Variants in MB21D2 observed in about 807,000 individuals in gnomAD.
The protein encoded by MB21D2 is Mab-21 domain containing 2.
A neutral mutation model predicts 33.3 loss-of-function variants in MB21D2; 9 were observed. The observed-to-expected ratio is 0.27, with a 90% CI of 0.16 to 0.47. MB21D2 has a LOEUF of 0.47. MB21D2 is among the 20% of genes least tolerant of loss of function. The pLI is 0.99. For synonymous variants in MB21D2, 241 were observed against 236.3 expected (o/e 1.02, Z -0.18); for missense variants, 540 against 624.6 (o/e 0.86, Z 1.44).
At chr3:192,839,968 C>T (rs988707084) in intron 1 of MB21D2, among the ~76,000 whole-genome samples, 1 of 150,914 alleles carries the variant, frequency 6.6e-6, no homozygotes, top group African/African-American at 2.5e-5. Context: ...AACCACCCCA[C>T]AGCCACTGCA....
At chr3:192,829,737 T>C (rs1712271548) in intron 1 of MB21D2, among the ~76,000 whole-genome samples, 1 of 152,194 alleles carries the variant, frequency 6.6e-6, no homozygotes, top group African/African-American at 2.4e-5. Context: ...GGTGTATCTA[T>C]AAATATTGAG....
intron 1 of MB21D2, among the ~76,000 whole-genome samples, chr3:192,853,402 T>C (rs757642769): frequency 3.3e-5 from 5 of 152,234 alleles, no homozygotes; most frequent in Admixed American, 6.5e-5. Context: ...ACTGGACACC[T>C]ATGCAGTTTC....
At position 192,909,856 on chromosome 3, in the gene MB21D2, C is replaced by T. The variant is rs1458760126; in HGVS notation, c.211+7774G>A. Among the ~76,000 whole-genome samples, 3 of 146,006 alleles carry T rather than the reference C, an allele frequency of 2.1e-5. No individual in the cohort carries two copies. In the East Asian group the frequency reaches 6.3e-4, roughly 30 times the overall value. On this transcript the variant is annotated intron_variant, in intron 1 of 1. Transcript: ENST00000392452. ...CTGAGGCAGGAGAATCACTGGAACC[C>T]GGGAAGCGGAGGTTGCAGTGAGCCA...
chr3:192,806,520 C>A lies in MB21D2; in HGVS notation c.212-6870G>T, dbSNP rs142961333. 4.7e-3 allele frequency among the ~76,000 whole-genome samples: 719 copies of A among 152,306 alleles called. 4 individuals carry two copies. The highest frequency in any genetic ancestry group is 0.016 in the African/African-American group (659 of 41,566). ...GTGAAGCATCTGGCACAGTAACTCA[C>A]GAAAAGGCGTCACAAATGAAAGATC... On this transcript the variant is annotated intron_variant, in intron 1 of 1. Transcript: ENST00000392452.
chr3:192,824,616 T>C (rs1179799287), intron 1 of MB21D2, among the ~76,000 whole-genome samples: 2 of 152,182 alleles, frequency 1.3e-5, no homozygotes, highest in Non-Finnish European at 2.9e-5. Context: ...TTCGTTAAAA[T>C]AGCTGTTTAT....
chr3:192,823,840 TA>T (rs970610818), intron 1 of MB21D2, among the ~76,000 whole-genome samples: 24 of 150,348 alleles, frequency 1.6e-4, no homozygotes, highest in East Asian at 5.9e-4. Context: ...ATTAACAGAG[TA>T]AAAAAAAAAT....
chr3:192,871,685 T>A (rs1713300082), intron 1 of MB21D2, among the ~76,000 whole-genome samples: 4 of 152,010 alleles, frequency 2.6e-5, no homozygotes. Flanking sequence ...GCCAAGAGAA[T>A]GAAGAGGGTG....
intron 1 of MB21D2, among the ~76,000 whole-genome samples, chr3:192,856,367 C>G (rs1264307616): frequency 6.6e-6 from 1 of 152,126 alleles, no homozygotes; most frequent in African/African-American, 2.4e-5. Context: ...TCAGTTTTCC[C>G]ATGAGTTAAA....
At chr3:192,913,656 T>C (rs1441677821) in intron 1 of MB21D2, among the ~76,000 whole-genome samples, 12 of 152,062 alleles carry the variant, frequency 7.9e-5, no homozygotes, top group Non-Finnish European at 1.8e-4. Context: ...AGACTCCATC[T>C]ACACAAAAAT....
chr3:192,827,046 C>T (rs1712187905), intron 1 of MB21D2, among the ~76,000 whole-genome samples: 1 of 152,074 alleles, frequency 6.6e-6, no homozygotes, highest in South Asian at 2.1e-4. Flanking sequence ...AGGTGCCCAC[C>T]ACCACGTCCG....
At chr3:192,803,556 C>A (rs751873743) in intron 1 of MB21D2, among the ~76,000 whole-genome samples, 3 of 152,136 alleles carry the variant, frequency 2.0e-5, no homozygotes, top group Admixed American at 2.0e-4. Context: ...TAACAGAACT[C>A]GAGCCTTCCC....
chr3:192,866,046 T>TAAAA (rs149849710), intron 1 of MB21D2, among the ~76,000 whole-genome samples: 1 of 148,898 alleles, frequency 6.7e-6, no homozygotes, highest in African/African-American at 2.5e-5. Context: ...AGATCCTGTC[T>TAAAA]AAAAAAATAA....
intron 1 of MB21D2, among the ~76,000 whole-genome samples, chr3:192,861,855 T>C (rs1339858520): frequency 1.3e-5 from 2 of 152,082 alleles, no homozygotes; most frequent in Non-Finnish European, 2.9e-5. Flanking sequence ...TCATGAACCA[T>C]GTCTCTACTC....
At chr3:192,883,577 T>C (rs1354136439) in intron 1 of MB21D2, among the ~76,000 whole-genome samples, 2 of 152,098 alleles carry the variant, frequency 1.3e-5, no homozygotes, top group African/African-American at 2.4e-5. Flanking sequence ...TTGACAATTA[T>C]CTGAAAGAAT....
At chr3:192,828,688 G>A (rs1310524611) in intron 1 of MB21D2, among the ~76,000 whole-genome samples, 8 of 118,040 alleles carry the variant, frequency 6.8e-5, no homozygotes, top group South Asian at 2.8e-4. Context: ...TCGCTCTGTC[G>A]CCCAGGCTAG....
chr3:192,881,692 G>A (rs1214307861), intron 1 of MB21D2, among the ~76,000 whole-genome samples: 1 of 152,104 alleles, frequency 6.6e-6, no homozygotes, highest in African/African-American at 2.4e-5. Context: ...GGTACCTGTG[G>A]AGGCCAAGAA....
chr3:192,905,687 C>T (rs1035733044), intron 1 of MB21D2, among the ~76,000 whole-genome samples: 12 of 137,644 alleles, frequency 8.7e-5, no homozygotes, highest in Non-Finnish European at 1.7e-4. Flanking sequence ...AAAAATTAGC[C>T]AGGCATGGAG....
chr3:192,838,160 C>T (rs562598831), intron 1 of MB21D2, among the ~76,000 whole-genome samples: 25 of 152,290 alleles, frequency 1.6e-4, no homozygotes, highest in African/African-American at 5.8e-4. Flanking sequence ...CAGTTCTTCA[C>T]TGACTGCTGG....
chr3:192,890,225 A>C lies in MB21D2; in HGVS notation c.211+27405T>G, dbSNP rs191319232. Among the ~76,000 whole-genome samples, 11 of 152,248 alleles carry C rather than the reference A, an allele frequency of 7.2e-5. 1 individual carries two copies. Among genetic ancestry groups the C allele is most frequent in the Admixed American group, 6.5e-4 (10 of 15,296 alleles). On this transcript the variant is annotated intron_variant, in intron 1 of 1. Transcript: ENST00000392452. Reference sequence around the variant, plus strand: ...CCATTTTTAGTATATAAAACTAGCTAATGGTAATATGCAAACAGAAATTCT... The same window carrying C: ...CCATTTTTAGTATATAAAACTAGCTCATGGTAATATGCAAACAGAAATTCT...
Sources: gnomAD v4.1 joint callset for allele counts (sites outside exome capture counted in the v4.1 genomes callset) on GRCh38, gnomAD v4.1.1 for gene constraint, MANE v1.5 for transcripts, NCBI Gene and HGNC (gene_info 2026-07-23, HGNC 2026-07-21) for gene names.